FBXL7: variants seen among roughly 807,000 people sequenced by gnomAD.
FBXL7 encodes F-box/LRR-repeat protein 7.
In FBXL7, 12 loss-of-function variants were observed where a neutral mutation model predicts 38.3. The observed-to-expected ratio is 0.31, with a 90% CI of 0.20 to 0.51. The LOEUF (loss-of-function observed/expected upper bound fraction) is 0.51, where lower values mean the gene tolerates loss of function less well. Among genes scored for constraint, FBXL7 ranks in the 20% least tolerant of loss-of-function variants. The pLI, the probability that FBXL7 is intolerant of heterozygous loss-of-function variation, is 0.98. For missense variants in FBXL7, 567 were observed against 676.4 expected, an observed-to-expected ratio of 0.84 and a Z score of 1.79; for synonymous variants, 297 against 300.9, an observed-to-expected ratio of 0.99 and a Z score of 0.13.
chr5:15,697,430 C>T (rs777022370), intron 2 of FBXL7, among the ~76,000 whole-genome samples: 27 of 152,124 alleles, frequency 1.8e-4, no homozygotes, highest in South Asian at 1.5e-3. Context: ...TCAAAAATTA[C>T]GTTTAATTTT....
At chr5:15,678,854 C>T (rs1279463216) in intron 2 of FBXL7, among the ~76,000 whole-genome samples, 1 of 152,192 alleles carries the variant, frequency 6.6e-6, no homozygotes, top group East Asian at 1.9e-4. Flanking sequence ...AAATCTCTTT[C>T]TCTATATAAA....
At chr5:15,548,673 C>G (rs1737982205) in intron 1 of FBXL7, among the ~76,000 whole-genome samples, 1 of 152,130 alleles carries the variant, frequency 6.6e-6, no homozygotes, top group Admixed American at 6.5e-5. Flanking sequence ...GCCCAGGAGA[C>G]AGGTCTATGC....
At chr5:15,700,662 A>G (rs1743494170) in intron 2 of FBXL7, among the ~76,000 whole-genome samples, 1 of 152,230 alleles carries the variant, frequency 6.6e-6, no homozygotes, top group South Asian at 2.1e-4. Context: ...ATAGAGTGGA[A>G]TTAATAATTT....
At chr5:15,635,450 A>G (rs187484480) in intron 2 of FBXL7, among the ~76,000 whole-genome samples, 5 of 152,300 alleles carry the variant, frequency 3.3e-5, no homozygotes, top group Admixed American at 1.3e-4. Context: ...CATTTCTGCC[A>G]TGTTCTGTTA....
intron 1 of FBXL7, among the ~76,000 whole-genome samples, chr5:15,613,034 T>C (rs550684590): frequency 6.6e-6 from 1 of 152,346 alleles, no homozygotes; most frequent in South Asian, 2.1e-4. Context: ...AGCTAGAGCA[T>C]ATGGAGTTTA....
chr5:15,869,644 G>T (rs779398116), intron 2 of FBXL7, among the ~76,000 whole-genome samples: 2 of 151,990 alleles, frequency 1.3e-5, no homozygotes, highest in Non-Finnish European at 2.9e-5. Context: ...TTTGTTCGCC[G>T]CTGTATCCCC....
chr5:15,745,571 C>A (rs1445760572), intron 2 of FBXL7, among the ~76,000 whole-genome samples: 1 of 152,086 alleles, frequency 6.6e-6, no homozygotes, highest in African/African-American at 2.4e-5. Flanking sequence ...GGTAGCAGTG[C>A]TGCATGAAAA....
chr5:15,655,299 C>T (rs1244651484), intron 2 of FBXL7, among the ~76,000 whole-genome samples: 2 of 152,066 alleles, frequency 1.3e-5, no homozygotes, highest in Admixed American at 1.3e-4. Flanking sequence ...AGTTTGAGAC[C>T]AGCCTGGCCA....
intron 2 of FBXL7, among the ~76,000 whole-genome samples, chr5:15,813,164 A>G (rs1282690547): frequency 2.0e-5 from 3 of 152,116 alleles, no homozygotes; most frequent in African/African-American, 7.2e-5. Context: ...TTCCAATACT[A>G]TGTTGAATAG....
intron 2 of FBXL7, among the ~76,000 whole-genome samples, chr5:15,906,758 T>A (rs2126420828): frequency 1.3e-5 from 1 of 76,382 alleles, no homozygotes; most frequent in East Asian, 3.9e-4. Context: ...TGAGTGAGAA[T>A]ATGCGGTGTT....
At chr5:15,740,435 A>T (rs1020887103) in intron 2 of FBXL7, among the ~76,000 whole-genome samples, 2 of 152,196 alleles carry the variant, frequency 1.3e-5, no homozygotes, top group African/African-American at 4.8e-5. Context: ...CTATCTTTAA[A>T]AAAACAGATC....
chr5:15,740,089 A>G lies in FBXL7; in HGVS notation c.127+124017A>G, dbSNP rs970324029. On this transcript the variant is annotated intron_variant, in intron 2 of 3. Transcript: ENST00000504595. ...TGATGATAGCCATCTTAGTGGGTGT[A>G]AAGTGGTATCTCACTGTGGTTTCTA... 4.6e-5 allele frequency among the ~76,000 whole-genome samples: 7 copies of G among 152,202 alleles called. No homozygotes were observed. In the East Asian group the frequency reaches 5.8e-4, roughly 13 times the overall value.
chr5:15,563,106 G>A (rs1157174677), intron 1 of FBXL7, among the ~76,000 whole-genome samples: 1 of 152,114 alleles, frequency 6.6e-6, no homozygotes, highest in Non-Finnish European at 1.5e-5. Flanking sequence ...GTCTTCTGCT[G>A]GAAAGGTGCA....
At chr5:15,927,689 C>T (rs1225851938) in intron 2 of FBXL7, among the ~76,000 whole-genome samples, 1 of 146,060 alleles carries the variant, frequency 6.8e-6, no homozygotes, top group Non-Finnish European at 1.5e-5. Flanking sequence ...TCAGGAGAAT[C>T]GCTTGAACCC....
Position 15,679,148 on chromosome 5 carries a change from A to G in FBXL7, c.127+63076A>G, listed in dbSNP as rs115556976. Among the ~76,000 whole-genome samples, 1,401 of 152,216 alleles carry G rather than the reference A, an allele frequency of 9.2e-3. 11 individuals carry two copies. The highest frequency in any genetic ancestry group is 0.032 in the African/African-American group (1,340 of 41,540). ...CATCCTGACTCTAGTTTTTTGATCA[A>G]CCTCTGCCAGGGCATTATAGACAAA... On this transcript the variant is annotated intron_variant, in intron 2 of 3. Coordinates refer to ENST00000504595, the MANE Select transcript of FBXL7 (RefSeq NM_012304.5).
chr5:15,522,604 A>G (rs1456041562), intron 1 of FBXL7, among the ~76,000 whole-genome samples: 2 of 152,254 alleles, frequency 1.3e-5, no homozygotes, highest in Non-Finnish European at 2.9e-5. Context: ...GTAATGGAAT[A>G]AAAATAGTAA....
At chr5:15,575,136 A>C (rs1169882174) in intron 1 of FBXL7, among the ~76,000 whole-genome samples, 1 of 152,148 alleles carries the variant, frequency 6.6e-6, no homozygotes, top group Non-Finnish European at 1.5e-5. Context: ...ACAACAAAGA[A>C]TCATCCGGTC....
intron 1 of FBXL7, among the ~76,000 whole-genome samples, chr5:15,504,714 T>A (rs1736597057): frequency 6.6e-6 from 1 of 152,172 alleles, no homozygotes; most frequent in Non-Finnish European, 1.5e-5. Context: ...AAAGTGTAAG[T>A]CCATGTGTAG....
At chr5:15,802,472 C>T (rs756140212) in intron 2 of FBXL7, among the ~76,000 whole-genome samples, 4 of 151,908 alleles carry the variant, frequency 2.6e-5, no homozygotes, top group African/African-American at 9.7e-5. Flanking sequence ...GTATCTCTCT[C>T]CTTTGACCAT....
Sources: allele counts gnomAD v4.1 joint callset (sites outside exome capture counted in the v4.1 genomes callset), GRCh38; gene constraint gnomAD v4.1.1; transcripts MANE v1.5; gene names NCBI Gene and HGNC (gene_info 2026-07-23, HGNC 2026-07-21).